Variants in WNK1 observed in about 807,000 individuals in gnomAD.
WNK1 encodes the protein WNK lysine deficient protein kinase 1, also known as serine/threonine-protein kinase WNK1.
A neutral mutation model predicts 222.8 loss-of-function variants in WNK1; 38 were observed. That is an observed-to-expected ratio of 0.17 (90% CI 0.13 to 0.22). The LOEUF (loss-of-function observed/expected upper bound fraction) is 0.22, where lower values mean the gene tolerates loss of function less well. Ranked by LOEUF, WNK1 falls within the 10% of genes least tolerant of loss-of-function variation. The pLI is 1.00. For missense variants in WNK1, 2,348 were observed against 2,918.4 expected (o/e 0.80, Z 4.50); for synonymous variants, 1,090 against 1,092.9 (o/e 1.00, Z 0.05).
chr12:831,090 T>G (rs535066893), intron 4 of WNK1, among the ~76,000 whole-genome samples: 4 of 152,342 alleles, frequency 2.6e-5, no homozygotes, highest in African/African-American at 9.6e-5. Flanking sequence ...AGGAGAAGTT[T>G]ACCTTAAAAT....
intron 1 of WNK1, among the ~76,000 whole-genome samples, chr12:763,010 T>C (rs1039986414): frequency 6.8e-6 from 1 of 146,572 alleles, no homozygotes; most frequent in Non-Finnish European, 1.5e-5. Flanking sequence ...CCTCCCAAAG[T>C]GCTGGAATTA....
chr12:822,400 A>G (rs908104057), intron 2 of WNK1, among the ~76,000 whole-genome samples: 2 of 152,154 alleles, frequency 1.3e-5, no homozygotes, highest in African/African-American at 2.4e-5. Flanking sequence ...GCCGTAATAT[A>G]TCACATTCCT....
chr12:829,900 C>A, intron 3 of WNK1, 103 bp from the exon 4 acceptor site: 1 of 1,264,318 alleles, frequency 7.9e-7, no homozygotes, highest in Non-Finnish European at 1.2e-6. Flanking sequence ...CTCCCCATTC[C>A]AATTTCTTCT....
chr12:781,425 A>G (rs946679240), intron 1 of WNK1, among the ~76,000 whole-genome samples: 1 of 152,220 alleles, frequency 6.6e-6, no homozygotes. Flanking sequence ...TAGTGGCTAT[A>G]TGAATTTTAG....
At chr12:778,700 A>C (rs995609814) in intron 1 of WNK1, among the ~76,000 whole-genome samples, 2 of 151,276 alleles carry the variant, frequency 1.3e-5, no homozygotes, top group Admixed American at 1.3e-4. Context: ...TCGTGCTAAC[A>C]TTCATTAGAG....
chr12:845,594 C>T (rs1357163631), intron 4 of WNK1, among the ~76,000 whole-genome samples: 2 of 152,190 alleles, frequency 1.3e-5, no homozygotes, highest in East Asian at 1.9e-4. Flanking sequence ...ATGTCATTGC[C>T]TAGCTGTGAG....
chr12:854,175 C>T (rs1314416677), intron 4 of WNK1, among the ~76,000 whole-genome samples: 1 of 151,696 alleles, frequency 6.6e-6, no homozygotes, highest in Non-Finnish European at 1.5e-5. Context: ...CAAGATTAGC[C>T]TGGGGAACAT....
chr12:783,908 CAAAAAAAAAAAAAAAA>C (rs1261411899), intron 1 of WNK1, among the ~76,000 whole-genome samples: 1 of 27,448 alleles, frequency 3.6e-5, no homozygotes, highest in Admixed American at 5.3e-4. Flanking sequence ...CTGTCTCCAC[CAAAAAAAAAAAAAAAA>C]AAAAAAAAAA....
chr12:821,022 T>C (rs974526636), intron 2 of WNK1, among the ~76,000 whole-genome samples: 3 of 150,100 alleles, frequency 2.0e-5, no homozygotes, highest in Non-Finnish European at 4.4e-5. Context: ...TTCTCTGCTA[T>C]TCCTATCCTA....
At chr12:873,274 A>G (rs1001993358) in intron 9 of WNK1, among the ~76,000 whole-genome samples, 2 of 152,238 alleles carry the variant, frequency 1.3e-5, no homozygotes, top group African/African-American at 2.4e-5. Flanking sequence ...AGAAGATAAT[A>G]AAATAATTCA....
intron 16 of WNK1, 79 bp from the exon 17 acceptor site, chr12:883,695 C>T: frequency 6.3e-7 from 1 of 1,597,282 alleles, no homozygotes; most frequent in Non-Finnish European, 8.6e-7. Context: ...TTTATGTTCT[C>T]TTCACATGTG....
intron 6 of WNK1, among the ~76,000 whole-genome samples, 182 bp downstream of exon 6, chr12:859,646 T>A (rs1012616308): frequency 7.0e-6 from 1 of 143,806 alleles, no homozygotes; most frequent in African/African-American, 2.9e-5. Context: ...TTTTTTTTTT[T>A]AAACTTCTTT....
At position 864,110 on chromosome 12, in the gene WNK1, GT is replaced by G. The variant is rs372936466; in HGVS notation, c.2139+1857del. The stretch of plus-strand genomic sequence containing the variant: ...ACCCTGTGCCTGAACATTTTTTTAA[GT>G]TTTTTTTTTTTTTTTTGACAGCGTC... On this transcript the variant is annotated intron_variant, in intron 8 of 27. Transcript: ENST00000315939. 1.9e-3 allele frequency among the ~76,000 whole-genome samples: 235 copies of G among 124,554 alleles called. 4 individuals are homozygous for G. The highest frequency in any genetic ancestry group is 2.1e-3 in the African/African-American group (70 of 33,134). The allele number at this position is 124,554 out of a possible 152,430, so 81.7% of individuals were successfully genotyped here.
intron 9 of WNK1, among the ~76,000 whole-genome samples, chr12:873,217 A>G (rs928912603): frequency 6.6e-6 from 1 of 152,220 alleles, no homozygotes; most frequent in African/African-American, 2.4e-5. Flanking sequence ...GGAATTGGTT[A>G]TCTGTCTTGT....
Position 753,688 on chromosome 12 carries a change from C to A in WNK1, c.123C>A (p.Ala41=). The A allele has an allele frequency of 3.1e-6, 5 of 1,612,014 alleles. No individual in the cohort carries two copies. The highest frequency in any genetic ancestry group is 3.4e-6 in the Non-Finnish European group (4 of 1,179,774). The change falls in exon 1 of 28, where the codon GCC becomes GCA. Residue 41 remains alanine (A), a synonymous_variant. Coordinates refer to ENST00000315939, the MANE Select transcript of WNK1 (RefSeq NM_018979.4). This position sits in a 1 kb window ranked among gnomAD's most constrained non-coding sequence, Gnocchi z 5.2. ...SDSSVGEKLG[A]AAADAVTGRT... Reference sequence around the variant, plus strand: ...CCTCCGTGGGGGAGAAACTGGGAGCCGCGGCCGCCGACGCTGTGACCGGCA... The same window carrying A: ...CCTCCGTGGGGGAGAAACTGGGAGCAGCGGCCGCCGACGCTGTGACCGGCA...
Position 865,390 on chromosome 12 carries a change from A to G in WNK1, c.2139+3120A>G, listed in dbSNP as rs1025430592. Reference sequence around the variant, plus strand: ...GTATGTAACTGTAAACTTCTGACAAATGAACAATTATTACCAATGAATACA... The same window carrying G: ...GTATGTAACTGTAAACTTCTGACAAGTGAACAATTATTACCAATGAATACA... On this transcript the variant is annotated intron_variant, in intron 8 of 27. Coordinates refer to ENST00000315939, the MANE Select transcript of WNK1 (RefSeq NM_018979.4). 9.8e-6 allele frequency: 15 copies of G among 1,525,964 alleles called. No individual in the cohort carries two copies. In the Admixed American group the frequency reaches 2.0e-4, roughly 20 times the overall value. The allele number at this position is 1,525,964 out of a possible 1,614,324, so 94.5% of individuals were successfully genotyped here.
At position 784,268 on chromosome 12, in the gene WNK1, G is replaced by C. The variant is rs1174778812; in HGVS notation, c.760-29374G>C. On this transcript the variant is annotated intron_variant, in intron 1 of 27. Coordinates refer to ENST00000315939, the MANE Select transcript of WNK1 (RefSeq NM_018979.4). ...TATTTTATTTTTACAACCCAGATGTGTGAATCTTGAAGGAATTTTTTTTTA... is the reference window on the plus strand; with the variant it reads ...TATTTTATTTTTACAACCCAGATGTCTGAATCTTGAAGGAATTTTTTTTTA... Among the ~76,000 whole-genome samples, 5 of 152,108 alleles carry C rather than the reference G, an allele frequency of 3.3e-5. No individual in the cohort carries two copies. In the East Asian group the frequency reaches 9.6e-4, roughly 29 times the overall value.
Position 896,092 on chromosome 12 carries a change from G to A in WNK1, c.5605G>A (p.Ala1869Thr), listed in dbSNP as rs1209621039. ...TCAGGTTTCTGTTGCAGCAGACGGT[G>A]CCCAGAAAGAGGGTAAAAATAAGTC... ...RFQVSVAADG[A>T]QKEGKNKSED... Residue 1869 changes from alanine to threonine, a missense_variant, in exon 24 of 28, where the codon GCC (alanine) becomes ACC (threonine). Ala to Thr is a moderately conservative substitution (Grantham distance 58). Around this residue, in one of 13 missense-constraint regions of WNK1, gnomAD observed 1,144 missense variants for 1,273.6 expected, o/e 0.90. Transcript: ENST00000315939. 6.2e-7 allele frequency: 1 copy of A among 1,614,206 alleles called. No homozygotes were observed.
intron 1 of WNK1, among the ~76,000 whole-genome samples, chr12:774,834 CT>C (rs1383931902): frequency 1.3e-5 from 2 of 152,040 alleles, no homozygotes; most frequent in Admixed American, 1.3e-4. Context: ...CCTCTTTTGT[CT>C]TTTGTTATAT....
Sources: gnomAD v4.1 joint callset for allele counts (sites outside exome capture counted in the v4.1 genomes callset) on GRCh38, gnomAD v4.1.1 for gene constraint, gnomAD v4.1.1 regional missense constraint, Gnocchi (gnomAD v3.1) non-coding constraint, MANE v1.5 for transcripts, NCBI Gene and HGNC (gene_info 2026-07-23, HGNC 2026-07-21) for gene names.